GPR158: variants seen among roughly 807,000 people sequenced by gnomAD.
GPR158 encodes G protein-coupled receptor 158.
In GPR158, 30 loss-of-function variants were observed where a neutral mutation model predicts 78.2. The ratio of observed to expected loss-of-function variants is 0.38; its 90% CI spans 0.29 to 0.52. The LOEUF is 0.52. GPR158 is among the 20% of genes least tolerant of loss of function. GPR158 has a pLI of 0.83. For synonymous variants in GPR158, 581 were observed against 591.1 expected (o/e 0.98, Z 0.25); for missense variants, 1,463 against 1,523.5 (o/e 0.96, Z 0.66).
intron 5 of GPR158, among the ~76,000 whole-genome samples, chr10:25,499,300 C>T (rs750917933): frequency 4.6e-5 from 7 of 152,108 alleles, no homozygotes; most frequent in East Asian, 1.9e-4. Context: ...AAATACAGTG[C>T]GCTCACAAGC....
chr10:25,243,404 A>G lies in GPR158; in HGVS notation c.1008+22247A>G, dbSNP rs150822396. ...ATGCATTCTGCTTATAAATTACTGC[A>G]TATGTTTCAAATCCCATCACAAGTG... On this transcript the variant is annotated intron_variant, in intron 2 of 10. Transcript: ENST00000376351. Among the ~76,000 whole-genome samples the G allele has an allele frequency of 4.4e-3, 676 of 152,300 alleles. 5 individuals are homozygous for G. Among genetic ancestry groups the G allele is most frequent in the African/African-American group, 0.014 (594 of 41,558 alleles).
intron 4 of GPR158, among the ~76,000 whole-genome samples, chr10:25,443,573 A>T (rs10764554): frequency 0.54 from 50,036 of 92,888 alleles, 14,291 homozygotes; most frequent in Non-Finnish European, 0.64. Flanking sequence ...AAAAAAAAAA[A>T]TTTTTTTTTT....
intron 7 of GPR158, among the ~76,000 whole-genome samples, chr10:25,583,704 G>A (rs1197232405): frequency 6.6e-6 from 1 of 151,940 alleles, no homozygotes; most frequent in Non-Finnish European, 1.5e-5. Flanking sequence ...ATAGGATATA[G>A]AGAAAAATAG....
chr10:25,448,083 C>CTTTTT (rs35421884), intron 4 of GPR158, among the ~76,000 whole-genome samples: 5 of 118,144 alleles, frequency 4.2e-5, no homozygotes, highest in African/African-American at 9.6e-5. Context: ...TGTCTGACTT[C>CTTTTT]TTTTTTTTTT....
At chr10:25,477,131 G>A (rs7084979) in intron 5 of GPR158, among the ~76,000 whole-genome samples, 36,655 of 151,550 alleles carry the variant, frequency 0.24, 6,112 homozygotes, top group African/African-American at 0.47. Flanking sequence ...ATTTTTTTGC[G>A]ATGTAGAAAA....
chr10:25,544,325 C>A (rs1459503186), intron 5 of GPR158, among the ~76,000 whole-genome samples: 1 of 151,454 alleles, frequency 6.6e-6, no homozygotes, highest in Non-Finnish European at 1.5e-5. Context: ...GGAATTATGC[C>A]TTAGGCAGTT....
intron 2 of GPR158, among the ~76,000 whole-genome samples, chr10:25,230,138 G>A (rs989187209): frequency 2.0e-5 from 3 of 152,108 alleles, no homozygotes; most frequent in African/African-American, 4.8e-5. Flanking sequence ...AAGATATTGC[G>A]GGGTAGAGAA....
chr10:25,542,213 G>A (rs1474756583), intron 5 of GPR158, among the ~76,000 whole-genome samples: 1 of 152,058 alleles, frequency 6.6e-6, no homozygotes, highest in Admixed American at 6.6e-5. Context: ...TGTCAAAGTG[G>A]TTAAATTCAC....
chr10:25,584,538 CT>C (rs1268284222), intron 7 of GPR158, among the ~76,000 whole-genome samples: 2 of 152,094 alleles, frequency 1.3e-5, no homozygotes, highest in African/African-American at 2.4e-5. Context: ...AACTACTTTT[CT>C]TTTTTTGAAT....
intron 4 of GPR158, among the ~76,000 whole-genome samples, chr10:25,445,658 C>T (rs919554596): frequency 3.3e-5 from 5 of 151,738 alleles, no homozygotes; most frequent in African/African-American, 1.2e-4. Context: ...GGCAGCAACA[C>T]TAGGGGTGGA....
chr10:25,516,208 G>C (rs1285011270), intron 5 of GPR158, among the ~76,000 whole-genome samples: 1 of 151,434 alleles, frequency 6.6e-6, no homozygotes, highest in Non-Finnish European at 1.5e-5. Flanking sequence ...CCCACTTTTT[G>C]ATGGGGTTGT....
At chr10:25,498,053 GAGAA>G (rs1271118217) in intron 5 of GPR158, among the ~76,000 whole-genome samples, 2 of 152,210 alleles carry the variant, frequency 1.3e-5, no homozygotes, top group Admixed American at 1.3e-4. Flanking sequence ...GGAGCAGAAA[GAGAA>G]AGAGGAAGGT....
At chr10:25,360,261 C>A (rs1198923287) in intron 2 of GPR158, among the ~76,000 whole-genome samples, 4 of 152,156 alleles carry the variant, frequency 2.6e-5, no homozygotes, top group Non-Finnish European at 5.9e-5. Flanking sequence ...TTAATTAGAT[C>A]CCATTTGTCA....
At chr10:25,378,200 C>T (rs1301988588) in intron 2 of GPR158, among the ~76,000 whole-genome samples, 1 of 152,056 alleles carries the variant, frequency 6.6e-6, no homozygotes, top group African/African-American at 2.4e-5. Flanking sequence ...ATGATACGAG[C>T]AAAATTCAAT....
intron 1 of GPR158, among the ~76,000 whole-genome samples, chr10:25,220,157 A>G (rs1003493720): frequency 3.3e-5 from 5 of 152,220 alleles, no homozygotes; most frequent in African/African-American, 1.2e-4. Context: ...AGTTTATGAA[A>G]AACTACATTA....
intron 2 of GPR158, among the ~76,000 whole-genome samples, chr10:25,358,292 G>T (rs773239920): frequency 6.6e-6 from 1 of 152,086 alleles, no homozygotes; most frequent in East Asian, 1.9e-4. Flanking sequence ...AATGATTTGA[G>T]ACTTTGGGGG....
chr10:25,240,345 C>T (rs1404204966), intron 2 of GPR158, among the ~76,000 whole-genome samples: 3 of 152,148 alleles, frequency 2.0e-5, no homozygotes, highest in Non-Finnish European at 4.4e-5. Context: ...CCTGTCTCTA[C>T]TGAAAATACA....
At chr10:25,508,199 G>T (rs1228459468) in intron 5 of GPR158, among the ~76,000 whole-genome samples, 1 of 151,960 alleles carries the variant, frequency 6.6e-6, no homozygotes, top group Non-Finnish European at 1.5e-5. Flanking sequence ...CATGAGATCT[G>T]TGGAGGAAGG....
chr10:25,215,696 G>A (rs914124545), intron 1 of GPR158, among the ~76,000 whole-genome samples: 4 of 152,010 alleles, frequency 2.6e-5, no homozygotes, highest in South Asian at 2.1e-4. Context: ...TTAGCAGGGC[G>A]TGGTGGTGCG....
Sources: allele counts gnomAD v4.1 joint callset (sites outside exome capture counted in the v4.1 genomes callset), GRCh38; gene constraint gnomAD v4.1.1; transcripts MANE v1.5; gene names NCBI Gene and HGNC (gene_info 2026-07-23, HGNC 2026-07-21).